The following SULF1 variants were observed in gnomAD, a reference collection of about 807,000 sequenced individuals.
SULF1 encodes the protein extracellular sulfatase Sulf-1.
A neutral mutation model predicts 110.5 loss-of-function variants in SULF1; 46 were observed. That is an observed-to-expected ratio of 0.42 (90% confidence interval 0.33 to 0.53). The LOEUF is 0.53. SULF1 is among the 20% of genes least tolerant of loss of function. SULF1 has a pLI of 0.12. For missense variants in SULF1, 941 were observed against 1,094.2 expected (o/e 0.86, Z 1.98); for synonymous variants, 371 against 387.1 (o/e 0.96, Z 0.49).
intron 12 of SULF1, 26 bp downstream of exon 12, chr8:69,603,682 C>T (rs1241890932): frequency 1.9e-6 from 3 of 1,562,032 alleles, no homozygotes; most frequent in East Asian, 4.5e-5. Context: ...TGGGGTGCTT[C>T]TGGGAACCAG....
intron 1 of SULF1, among the ~76,000 whole-genome samples, chr8:69,467,612 G>T (rs1472507487): frequency 1.3e-5 from 2 of 152,196 alleles, no homozygotes; most frequent in African/African-American, 4.8e-5. Context: ...TCTTGCAGCT[G>T]CAGGGAAAGC....
intron 3 of SULF1, among the ~76,000 whole-genome samples, chr8:69,546,812 C>G (rs1814291225): frequency 6.6e-6 from 1 of 152,192 alleles, no homozygotes; most frequent in Non-Finnish European, 1.5e-5. Flanking sequence ...GCAGCATTAA[C>G]ACTTTAACTC....
At chr8:69,510,372 T>G (rs1429059703) in intron 3 of SULF1, among the ~76,000 whole-genome samples, 1 of 152,196 alleles carries the variant, frequency 6.6e-6, no homozygotes, top group Non-Finnish European at 1.5e-5. Context: ...ATTTGCTAAC[T>G]GTGACTTAAT....
Position 69,538,118 on chromosome 8 carries a change from C to T in SULF1, c.-133-25421C>T, listed in dbSNP as rs544690193. Among the ~76,000 whole-genome samples the T allele has an allele frequency of 3.6e-4, 54 of 151,996 alleles. 1 individual carries two copies. In the South Asian group the frequency reaches 0.011, roughly 31 times the overall value. On this transcript the variant is annotated intron_variant, in intron 3 of 22. Coordinates refer to ENST00000402687, the MANE Select transcript of SULF1 (RefSeq NM_001128205.2). ...CTGGGACTACAGGCACCAGCCACCT[C>T]GCCCTGCTAATTTTTTGTACTTTTA...
intron 22 of SULF1, among the ~76,000 whole-genome samples, chr8:69,641,569 A>G (rs1314275816): frequency 2.0e-5 from 3 of 151,948 alleles, no homozygotes; most frequent in African/African-American, 7.3e-5. Context: ...ACAAAGTGAG[A>G]TAAAAAAAAA....
rs1810458619 is a variant in SULF1 at position 69,497,616 on chromosome 8, C to T, written c.-229+1690C>T. ...ATTCACAGTTTAAAAATATCAGTTA[C>T]TGTTTCAGCATTTTGCTACTGATGA... On this transcript the variant is annotated intron_variant, in intron 2 of 22. Coordinates refer to ENST00000402687, the MANE Select transcript of SULF1 (RefSeq NM_001128205.2). Among the ~76,000 whole-genome samples, 5 of 152,300 alleles carry T rather than the reference C, an allele frequency of 3.3e-5. No individual in the cohort carries two copies. In the South Asian group the frequency reaches 1.0e-3, roughly 32 times the overall value.
chr8:69,508,910 A>G (rs1254814329), intron 3 of SULF1, among the ~76,000 whole-genome samples: 1 of 152,138 alleles, frequency 6.6e-6, no homozygotes, highest in African/African-American at 2.4e-5. Flanking sequence ...TATTGTGAGT[A>G]TCTCTCTTCA....
chr8:69,531,314 T>C (rs1172998580), intron 3 of SULF1, among the ~76,000 whole-genome samples: 1 of 152,232 alleles, frequency 6.6e-6, no homozygotes, highest in Non-Finnish European at 1.5e-5. Context: ...TTCAAATACA[T>C]TGTTATCTCC....
intron 8 of SULF1, among the ~76,000 whole-genome samples, chr8:69,590,634 G>A (rs1039171399): frequency 5.9e-5 from 9 of 152,176 alleles, no homozygotes; most frequent in Non-Finnish European, 1.3e-4. Context: ...GTTACCTACT[G>A]AGCATGCCCA....
intron 18 of SULF1, among the ~76,000 whole-genome samples, chr8:69,628,986 A>G (rs1471626527): frequency 2.0e-5 from 3 of 152,188 alleles, no homozygotes; most frequent in Non-Finnish European, 4.4e-5. Flanking sequence ...CTTAGGTTCA[A>G]TAAGGTCCCA....
In SULF1 at chr8:69,660,206, T is replaced by TAA. The variant is rs1343620782; in HGVS notation, c.*1672_*1673dup. 1 of 152,316 alleles carries TAA rather than the reference T, an allele frequency of 6.6e-6. No homozygotes were observed. Among genetic ancestry groups the TAA allele is most frequent in the East Asian group, 1.9e-4 (1 of 5,186 alleles). 9.4% of individuals were successfully genotyped at this position (152,316 alleles called of 1,614,324 possible). ...TCTTTTTTGGTTTTCTTGGCATGAC[T>TAA]AAGAAGCTTAAATGTTGATAAAATA... On this transcript the variant is annotated 3_prime_UTR_variant, in exon 23 of 23. Coordinates refer to ENST00000402687, the MANE Select transcript of SULF1 (RefSeq NM_001128205.2).
intron 3 of SULF1, among the ~76,000 whole-genome samples, chr8:69,511,598 A>C (rs1032781550): frequency 3.3e-5 from 5 of 152,232 alleles, no homozygotes; most frequent in Non-Finnish European, 5.9e-5. Flanking sequence ...GATTGAGAAG[A>C]AAGTACGGAG....
At chr8:69,657,052 C>A (rs867104480) in intron 22 of SULF1, among the ~76,000 whole-genome samples, 1 of 152,074 alleles carries the variant, frequency 6.6e-6, no homozygotes. Context: ...GTTCTACTTT[C>A]TTTTATGGTA....
chr8:69,560,328 A>T (rs1217910552), intron 3 of SULF1, among the ~76,000 whole-genome samples: 4 of 127,818 alleles, frequency 3.1e-5, no homozygotes, highest in African/African-American at 1.0e-4. Context: ...TTGGCTGGAC[A>T]TCCTGCCAGT....
intron 19 of SULF1, among the ~76,000 whole-genome samples, chr8:69,635,122 C>T (rs1024206681): frequency 3.9e-5 from 6 of 152,176 alleles, no homozygotes; most frequent in African/African-American, 1.4e-4. Context: ...ATTAGCTAAT[C>T]AACTAAAAAC....
At chr8:69,475,425 AT>A (rs1809260359) in intron 1 of SULF1, among the ~76,000 whole-genome samples, 1 of 151,794 alleles carries the variant, frequency 6.6e-6, no homozygotes, top group Admixed American at 6.6e-5. Flanking sequence ...TAAAAAAAAA[AT>A]GTTGTCTATT....
At chr8:69,530,123 C>T (rs909598567) in intron 3 of SULF1, among the ~76,000 whole-genome samples, 1 of 152,180 alleles carries the variant, frequency 6.6e-6, no homozygotes, top group African/African-American at 2.4e-5. Flanking sequence ...TCTGCCCTTG[C>T]ATCTTCCCAG....
intron 2 of SULF1, among the ~76,000 whole-genome samples, 185 bp from the exon 3 acceptor site, chr8:69,501,689 C>A (rs1056355798): frequency 2.0e-5 from 3 of 152,086 alleles, no homozygotes; most frequent in African/African-American, 4.8e-5. Flanking sequence ...ACAAAAGGAC[C>A]GAATCACCCA....
chr8:69,520,400 C>A (rs774677282), intron 3 of SULF1, among the ~76,000 whole-genome samples: 7 of 152,032 alleles, frequency 4.6e-5, no homozygotes, highest in Non-Finnish European at 8.8e-5. Context: ...CAGCAAGTCA[C>A]CTTTTCATCT....
Sources: gnomAD v4.1 joint callset for allele counts (sites outside exome capture counted in the v4.1 genomes callset) on GRCh38, gnomAD v4.1.1 for gene constraint, MANE v1.5 for transcripts, NCBI Gene and HGNC (gene_info 2026-07-23, HGNC 2026-07-21) for gene names.